The following DMD variants were observed in gnomAD, a reference collection of about 807,000 sequenced individuals.
DMD encodes mutant dystrophin.
A neutral mutation model predicts 330.1 loss-of-function variants in DMD; 63 were observed. The ratio of observed to expected loss-of-function variants is 0.19; its 90% CI spans 0.16 to 0.24. The LOEUF is 0.24. Ranked by LOEUF, DMD falls within the 10% of genes least tolerant of loss-of-function variation. The probability of loss-of-function intolerance (pLI) is 1.00; values close to 1 mark genes in which losing one functional copy is unlikely to be tolerated. For synonymous variants in DMD, 1,223 were observed against 959.8 expected (o/e 1.27, Z -5.07); for missense variants, 3,344 against 2,684.1 (o/e 1.25, Z -5.43).
intron 37 of DMD, among the ~76,000 whole-genome samples, chrX:32,356,682 C>T (rs1459274498): frequency 9.0e-6 from 1 of 110,975 alleles, no homozygotes; most frequent in Non-Finnish European, 1.9e-5. Context: ...AACATTTCAG[C>T]TCCTTAGAAC....
chrX:32,610,541 C>T (rs1369370194), intron 12 of DMD, among the ~76,000 whole-genome samples: 1 of 111,254 alleles, frequency 9.0e-6, no homozygotes, highest in Non-Finnish European at 1.9e-5. Context: ...CTGTAATATT[C>T]ACAGTGTACT....
intron 4 of DMD, among the ~76,000 whole-genome samples, chrX:32,827,121 G>T (rs926333873): frequency 3.0e-5 from 3 of 99,206 alleles, no homozygotes; most frequent in Non-Finnish European, 5.9e-5. Context: ...AATGTTCATG[G>T]TTTTTTTCCA....
chrX:32,354,285 C>T (rs745346769), intron 37 of DMD, among the ~76,000 whole-genome samples: 1 of 111,373 alleles, frequency 9.0e-6, no homozygotes, highest in East Asian at 2.8e-4. Context: ...GCTTCAAATC[C>T]ATCAGTCTCC....
At chrX:31,978,041 T>C (rs1327934404) in intron 44 of DMD, among the ~76,000 whole-genome samples, 1 of 111,698 alleles carries the variant, frequency 9.0e-6, no homozygotes, top group Non-Finnish European at 1.9e-5. Context: ...ATTTAGCTTG[T>C]ATGAAGGAAA....
chrX:32,465,772 G>C (rs2039959765), intron 23 of DMD, among the ~76,000 whole-genome samples: 1 of 109,547 alleles, frequency 9.1e-6, no homozygotes, highest in African/African-American at 3.3e-5. Flanking sequence ...TTTTAGTAGA[G>C]ACAGGGTTTC....
At chrX:31,475,755 T>C (rs138215743) in intron 59 of DMD, among the ~76,000 whole-genome samples, 3,036 of 111,956 alleles carry the variant, frequency 0.027, 71 homozygotes, top group African/African-American at 0.066. Context: ...AGAAGGGATT[T>C]TACAAGTATT....
intron 2 of DMD, among the ~76,000 whole-genome samples, chrX:32,870,137 T>G (rs1321555210): frequency 9.0e-6 from 1 of 111,690 alleles, no homozygotes; most frequent in Non-Finnish European, 1.9e-5. Context: ...TCACAAGCAT[T>G]CCTACAACAA....
chrX:32,572,401 T>A (rs2052526005), intron 15 of DMD, among the ~76,000 whole-genome samples: 1 of 111,594 alleles, frequency 9.0e-6, no homozygotes, highest in African/African-American at 3.3e-5. Flanking sequence ...TTTATAAAAG[T>A]TCATATCAAA....
chrX:32,501,798 A>C lies in DMD; in HGVS notation c.2337T>G (p.Asp779Glu), dbSNP rs758795722. ...CCAGGGCCTGAGCTGATCTGCTGGC[A>C]TCTTGCAGTTTTCTGAACTTCTCAG... The part of the protein sequence containing the change: ...EKAEKFRKLQ[D>E]ASRSAQALVE... Residue 779 changes from aspartate (D) to glutamate (E), a missense_variant, in exon 19 of 79, where the codon GAT (aspartate) becomes GAG (glutamate). Transcript: ENST00000357033. 52 of 1,208,209 alleles carry C rather than the reference A, an allele frequency of 4.3e-5. No homozygotes were observed. Among genetic ancestry groups the C allele is most frequent in the Non-Finnish European group, 5.3e-5 (47 of 894,236 alleles).
At chrX:32,226,235 C>T (rs1460799235) in intron 43 of DMD, among the ~76,000 whole-genome samples, 1 of 111,791 alleles carries the variant, frequency 8.9e-6, no homozygotes, top group African/African-American at 3.3e-5. Flanking sequence ...TCACATAGCC[C>T]ACCATGTATA....
rs755400600 is a variant in DMD, at chrX:32,389,489, A to G, written c.4518+12T>C. The G allele has an allele frequency of 8.3e-7, 1 of 1,209,887 alleles. No homozygotes were observed. On this transcript the variant is annotated intron_variant, in intron 32 of 78. Coordinates refer to ENST00000357033, the MANE Select transcript of DMD (RefSeq NM_004006.3). ...AAGGGGTACCTGCGTATTTGCCACCAGAAATACATACCACACAATGATTTA... is the reference window on the plus strand; with the variant it reads ...AAGGGGTACCTGCGTATTTGCCACCGGAAATACATACCACACAATGATTTA...
chrX:31,466,718 G>A lies in DMD; in HGVS notation c.8937+11388C>T, dbSNP rs182466764. Among the ~76,000 whole-genome samples, 67 of 111,715 alleles carry A rather than the reference G, an allele frequency of 6.0e-4. 1 individual carries two copies. In the Admixed American group the frequency reaches 6.1e-3, roughly 10 times the overall value. ...TGAAGAAAGTCAATGGTAGCTTGAT[G>A]GAGACTGCATTGAATCTATAAATTA... On this transcript the variant is annotated intron_variant, in intron 59 of 78. Coordinates refer to ENST00000357033, the MANE Select transcript of DMD (RefSeq NM_004006.3).
intron 34 of DMD, among the ~76,000 whole-genome samples, chrX:32,369,463 G>T (rs2097865119): frequency 9.0e-6 from 1 of 111,136 alleles, no homozygotes; most frequent in East Asian, 2.8e-4. Context: ...GTAGCAAGAT[G>T]GAAAAACCTT....
chrX:32,079,349 C>G (rs965697013), intron 44 of DMD, among the ~76,000 whole-genome samples: 8 of 111,646 alleles, frequency 7.2e-5, no homozygotes, highest in Non-Finnish European at 1.3e-4. Flanking sequence ...AATCCCAGCA[C>G]TTTGGGAGGC....
At position 32,390,105 on chromosome X, in the gene DMD, G is replaced by A. The variant is rs746898682; in HGVS notation, c.4310C>T (p.Ala1437Val). The change falls in exon 31 of 79, where the codon GCC (alanine) becomes GTC (valine). Residue 1437 changes from alanine to valine, a missense_variant. Physicochemically the swap from Ala to Val is moderately conservative, Grantham distance 64. Coordinates refer to ENST00000357033, the MANE Select transcript of DMD (RefSeq NM_004006.3). ...ATCAATCTGAGACAGGACTCTTTGGGCAGCCTCCTTCCCCTGATTATGTTT... is the reference window on the plus strand; with the variant it reads ...ATCAATCTGAGACAGGACTCTTTGGACAGCCTCCTTCCCCTGATTATGTTT... ...MKKHNQGKEA[A>V]QRVLSQIDVA... 3 of 1,207,408 alleles carry A rather than the reference G, an allele frequency of 2.5e-6. No individual in the cohort carries two copies. Among genetic ancestry groups the A allele is most frequent in the African/African-American group, 3.5e-5 (2 of 57,077 alleles).
chrX:32,112,552 CATGGTA>C (rs1167976665), intron 44 of DMD, among the ~76,000 whole-genome samples: 10 of 111,424 alleles, frequency 9.0e-5, no homozygotes, highest in African/African-American at 3.3e-4. Context: ...TTTTGGACAT[CATGGTA>C]ATGGTAAGGA....
chrX:31,188,609 G>A (rs975296179), intron 67 of DMD, among the ~76,000 whole-genome samples: 3 of 112,006 alleles, frequency 2.7e-5, no homozygotes, highest in Admixed American at 9.5e-5. Flanking sequence ...TGTTGGCTTT[G>A]TTTTGCTTTT....
At chrX:31,623,766 G>C (rs958459935) in intron 55 of DMD, among the ~76,000 whole-genome samples, 1 of 110,841 alleles carries the variant, frequency 9.0e-6, no homozygotes, top group African/African-American at 3.3e-5. Flanking sequence ...ACATGACCCA[G>C]ATCACAGATG....
intron 21 of DMD, among the ~76,000 whole-genome samples, chrX:32,483,820 CAAAAAAAAAAAAA>C (rs770119472): frequency 2.7e-5 from 1 of 37,269 alleles, no homozygotes; most frequent in Non-Finnish European, 4.3e-5. Flanking sequence ...CTCTGAAGTA[CAAAAAAAAAAAAA>C]AAAAAAAAAA....
Sources: gnomAD v4.1 joint callset for allele counts (sites outside exome capture counted in the v4.1 genomes callset) on GRCh38, gnomAD v4.1.1 for gene constraint, MANE v1.5 for transcripts, NCBI Gene and HGNC (gene_info 2026-07-23, HGNC 2026-07-21) for gene names.